Variants in THOC1 observed in about 807,000 individuals in gnomAD.
The protein encoded by THOC1 is THO complex 1.
In THOC1, 29 loss-of-function variants were observed where a neutral mutation model predicts 97.3. That is an observed-to-expected ratio of 0.30 (90% CI 0.22 to 0.41). The LOEUF is 0.41. Among genes scored for constraint, THOC1 ranks in the 10% least tolerant of loss-of-function variants. THOC1 has a pLI of 1.00. For synonymous variants in THOC1, 255 were observed against 257.0 expected, an observed-to-expected ratio of 0.99 and a Z score of 0.07; for missense variants, 529 against 761.9, an observed-to-expected ratio of 0.69 and a Z score of 3.60.
Position 259,758 on chromosome 18 carries a change from T to C in THOC1, c.376-28A>G, listed in dbSNP as rs370835883. 1.4e-4 allele frequency: 209 copies of C among 1,505,198 alleles called. No homozygotes were observed. In the African/African-American group the frequency reaches 2.7e-3, roughly 19 times the overall value. 93.2% of individuals were successfully genotyped at this position (1,505,198 alleles called of 1,614,324 possible). ...GAAATTAAGACGGAAATTATCACTC[T>C]TCTTCAGAACTTGTTACACATTCTT... On this transcript the variant is annotated intron_variant, in intron 5 of 20. Coordinates refer to ENST00000261600, the MANE Select transcript of THOC1 (RefSeq NM_005131.3).
intron 9 of THOC1, among the ~76,000 whole-genome samples, chr18:250,031 T>G (rs1912230613): frequency 6.6e-6 from 1 of 152,170 alleles, no homozygotes; most frequent in Admixed American, 6.5e-5. Context: ...TTAATACCAA[T>G]CACAATATTA....
Position 247,962 on chromosome 18 carries a change from T to C in THOC1, c.678-5A>G, listed in dbSNP as rs763222865. The stretch of plus-strand genomic sequence containing the variant: ...TTGTAATCAATTGGAATAGAGCTAA[T>C]AAAATAAACGTTATATTAAATAAAT... On this transcript the variant is annotated splice_region_variant and splice_polypyrimidine_tract_variant and intron_variant, in intron 9 of 20. Coordinates refer to ENST00000261600, the MANE Select transcript of THOC1 (RefSeq NM_005131.3). 8 of 1,471,834 alleles carry C rather than the reference T, an allele frequency of 5.4e-6. 1 individual carries two copies. In the South Asian group the frequency reaches 1.0e-4, roughly 18 times the overall value. The allele number at this position is 1,471,834 out of a possible 1,614,324, so 91.2% of individuals were successfully genotyped here. A position where few individuals can be genotyped will look rare whatever the true frequency, so the allele number is the denominator to read the frequency against.
chr18:248,815 A>C (rs928213848), intron 9 of THOC1, among the ~76,000 whole-genome samples: 2 of 152,012 alleles, frequency 1.3e-5, no homozygotes, highest in African/African-American at 4.8e-5. Flanking sequence ...CAGTGGTGCG[A>C]TCTCAGCTCA....
intron 12 of THOC1, chr18:225,712 TTTGATA>T (rs1911258165): frequency 7.4e-6 from 2 of 268,868 alleles, no homozygotes; most frequent in Admixed American, 1.0e-4. Context: ...AAACTTCTGA[TTTGATA>T]TTAAGATATG....
At chr18:220,069 C>G (rs1358836342) in intron 17 of THOC1, among the ~76,000 whole-genome samples, 1 of 152,156 alleles carries the variant, frequency 6.6e-6, no homozygotes. Flanking sequence ...AATATCCATT[C>G]ATTTTCTAAT....
Position 242,442 on chromosome 18 carries a change from CAA to C in THOC1, c.918+3880_918+3881del, listed in dbSNP as rs34534049. Among the ~76,000 whole-genome samples the C allele has an allele frequency of 2.1e-3, 297 of 138,308 alleles. No individual in the cohort carries two copies. Among genetic ancestry groups the C allele is most frequent in the Non-Finnish European group, 3.3e-3 (215 of 64,424 alleles). The allele number at this position is 138,308 out of a possible 152,430, so 90.7% of individuals were successfully genotyped here. On this transcript the variant is annotated intron_variant, in intron 11 of 20. Coordinates refer to ENST00000261600, the MANE Select transcript of THOC1 (RefSeq NM_005131.3). The surrounding 1 kb of genome is among the most constrained non-coding windows in gnomAD (Gnocchi z 4.5). ...ACAGTGGGCCAAAAAAAAAGTGTCT[CAA>C]AAAAAAAAAAAAAGTTTGTATCATC...
chr18:242,315 T>G lies in THOC1; in HGVS notation c.918+4009A>C, dbSNP rs1042091204. 6.6e-6 allele frequency among the ~76,000 whole-genome samples: 1 copy of G among 151,610 alleles called. No homozygotes were observed. Among genetic ancestry groups the G allele is most frequent in the African/African-American group, 2.4e-5 (1 of 41,182 alleles). ...AACATGGCAAAAAACCTGTCTCTAT[T>G]AAAAATACAAAAATTGGCCAGGCGT... On this transcript the variant is annotated intron_variant, in intron 11 of 20. Transcript: ENST00000261600. This position sits in a 1 kb window ranked among gnomAD's most constrained non-coding sequence, Gnocchi z 4.5.
rs367631822 is a variant in THOC1 at position 248,051 on chromosome 18, A to T, written c.678-94T>A. 9 of 799,562 alleles carry T rather than the reference A, an allele frequency of 1.1e-5. No homozygotes were observed. The African/African-American group carries it at 1.4e-4, about 13-fold the overall frequency. The allele number at this position is 799,562 out of a possible 1,614,324, so 49.5% of individuals were successfully genotyped here. On this transcript the variant is annotated intron_variant, in intron 9 of 20. Coordinates refer to ENST00000261600, the MANE Select transcript of THOC1 (RefSeq NM_005131.3). ...TTAGCTTTGGTCACAAACCGTTTTC[A>T]GAAGCTAATGAAAGTTATCAGAAAA...
At chr18:219,102 T>C in intron 17 of THOC1, 133 bp from the exon 18 acceptor site, 1 of 211,654 alleles carries the variant, frequency 4.7e-6, no homozygotes, top group Non-Finnish European at 8.1e-6. Context: ...GGATGGCATA[T>C]ACTCTTAATA....
intron 19 of THOC1, 198 bp from the exon 20 acceptor site, chr18:215,702 A>C: frequency 1.9e-6 from 1 of 532,104 alleles, no homozygotes; most frequent in South Asian, 2.3e-5. Context: ...GAACTTGGGA[A>C]GACCTCAGAG....
intron 5 of THOC1, 88 bp from the exon 6 acceptor site, chr18:259,818 C>T: frequency 1.2e-6 from 1 of 863,550 alleles, no homozygotes; most frequent in Non-Finnish European, 1.8e-6. Context: ...TATTAAAGAA[C>T]ACTAACATGC....
chr18:234,052 T>C (rs1356453433), intron 11 of THOC1, among the ~76,000 whole-genome samples: 1 of 152,224 alleles, frequency 6.6e-6, no homozygotes, highest in African/African-American at 2.4e-5. Context: ...AGATTACGCC[T>C]AGGTATTGGA....
chr18:254,276 C>T lies in THOC1; in HGVS notation c.600G>A (p.Gln200=). The T allele has an allele frequency of 6.3e-7, 1 of 1,576,310 alleles. No homozygotes were observed. Among genetic ancestry groups the T allele is most frequent in the Non-Finnish European group, 8.6e-7 (1 of 1,158,814 alleles). ...GAAGATTTCAAATCAGCCTCACCTT[C>T]TGACCCAGGGTGCTTTCCTGCTCAT... ...NTNEQESTLG[Q]KHTEDREEGM... is the part of the protein sequence containing the mutation. Residue 200 remains glutamine, a synonymous_variant, in exon 8 of 21, where the codon CAG becomes CAA. Coordinates refer to ENST00000261600, the MANE Select transcript of THOC1 (RefSeq NM_005131.3). This position sits in a 1 kb window ranked among gnomAD's most constrained non-coding sequence, Gnocchi z 4.1.
chr18:224,778 T>G, intron 15 of THOC1, 146 bp downstream of exon 15: 4 of 674,914 alleles, frequency 5.9e-6, no homozygotes, highest in Non-Finnish European at 1.0e-5. Context: ...GTGGTTGTAC[T>G]CTTACAAAGT....
At chr18:244,550 T>C (rs1005051455) in intron 11 of THOC1, 3 of 152,242 alleles carry the variant, frequency 2.0e-5, no homozygotes, top group Non-Finnish European at 4.4e-5. Context: ...ATGGTTGATA[T>C]GTTAGAAATC....
chr18:264,126 G>A, intron 3 of THOC1, 34 bp from the exon 4 acceptor site: 1 of 1,507,436 alleles, frequency 6.6e-7, no homozygotes, highest in Non-Finnish European at 9.2e-7. Context: ...TAATTTAGGG[G>A]CAAGAGTTCA....
At chr18:225,730 G>A (rs944184011) in intron 12 of THOC1, 2 of 221,468 alleles carry the variant, frequency 9.0e-6, no homozygotes, top group East Asian at 1.1e-4. Flanking sequence ...TAAGATATGT[G>A]TATACATGAT....
intron 3 of THOC1, 199 bp downstream of exon 3, chr18:265,104 T>C (rs1398623337): frequency 1.8e-6 from 1 of 541,924 alleles, no homozygotes; most frequent in Non-Finnish European, 3.2e-6. Context: ...TGTCATTTAT[T>C]AAACCAAACC....
chr18:217,447 GATA>G (rs1389662188), intron 18 of THOC1, among the ~76,000 whole-genome samples: 2 of 152,198 alleles, frequency 1.3e-5, no homozygotes, highest in African/African-American at 4.8e-5. Flanking sequence ...CCTCTTTGGA[GATA>G]ATAATTTGAA....
Sources: gnomAD v4.1 joint callset for allele counts (sites outside exome capture counted in the v4.1 genomes callset) on GRCh38, gnomAD v4.1.1 for gene constraint, Gnocchi (gnomAD v3.1) non-coding constraint, MANE v1.5 for transcripts, NCBI Gene and HGNC (gene_info 2026-07-23, HGNC 2026-07-21) for gene names.